The following ATP10A variants were observed in gnomAD, a reference collection of about 807,000 sequenced individuals.
ATP10A encodes the protein phospholipid-transporting ATPase VA.
In ATP10A, 111 loss-of-function variants were observed where a neutral mutation model predicts 147.8. The observed-to-expected ratio is 0.75, with a 90% CI of 0.64 to 0.88. The LOEUF is 0.88. Among genes scored for constraint, ATP10A ranks in the 40% least tolerant of loss-of-function variants. The pLI is 0.00. For synonymous variants in ATP10A, 875 were observed against 841.6 expected, an observed-to-expected ratio of 1.04 and a Z score of -0.69; for missense variants, 1,927 against 1,959.0, an observed-to-expected ratio of 0.98 and a Z score of 0.31.
intron 2 of ATP10A, among the ~76,000 whole-genome samples, chr15:25,764,248 A>T (rs1888907907): frequency 6.6e-6 from 1 of 152,192 alleles, no homozygotes; most frequent in Non-Finnish European, 1.5e-5. Context: ...AGAGCTTTCC[A>T]ACCTAAGGTG....
chr15:25,721,984 A>G (rs998729039), intron 6 of ATP10A, 75 bp from the exon 7 acceptor site: 10 of 1,473,424 alleles, frequency 6.8e-6, no homozygotes, highest in African/African-American at 1.4e-5. Flanking sequence ...ATCTATTTAA[A>G]TAACAAATGA....
At chr15:25,712,307 A>T (rs1413724586) in intron 10 of ATP10A, among the ~76,000 whole-genome samples, 1 of 152,158 alleles carries the variant, frequency 6.6e-6, no homozygotes, top group African/African-American at 2.4e-5. Flanking sequence ...CATGTAAAAA[A>T]ATATGTTGCC....
intron 2 of ATP10A, among the ~76,000 whole-genome samples, chr15:25,740,500 C>T (rs1327378144): frequency 6.6e-6 from 1 of 152,202 alleles, no homozygotes; most frequent in Non-Finnish European, 1.5e-5. Context: ...GGCAGGGCCA[C>T]CGCCTGCACC....
In ATP10A at chr15:25,854,376, AT is replaced by A. The variant is rs375249519; in HGVS notation, c.449+8271del. Among the ~76,000 whole-genome samples, 1,206 of 152,356 alleles carry A rather than the reference AT, an allele frequency of 7.9e-3. 11 individuals are homozygous for A. Among genetic ancestry groups the A allele is most frequent in the Middle Eastern group, 0.014 (4 of 294 alleles). On this transcript the variant is annotated intron_variant, in intron 1 of 20. Coordinates refer to ENST00000555815, the MANE Select transcript of ATP10A (RefSeq NM_024490.4). Reference sequence around the variant, plus strand: ...CATCAGTCATGGAGTATACAAATCAATAAGAAAGAAAAACAGCTGTTCTAAG... The same window carrying A: ...CATCAGTCATGGAGTATACAAATCAAAAGAAAGAAAAACAGCTGTTCTAAG...
At chr15:25,754,449 A>G (rs1361300556) in intron 2 of ATP10A, among the ~76,000 whole-genome samples, 2 of 152,180 alleles carry the variant, frequency 1.3e-5, no homozygotes, top group Non-Finnish European at 2.9e-5. Context: ...GGGAACTGAC[A>G]GCAGTTGCCA....
At chr15:25,843,268 A>G (rs1230596130) in intron 1 of ATP10A, among the ~76,000 whole-genome samples, 1 of 99,754 alleles carries the variant, frequency 1.0e-5, no homozygotes, top group Non-Finnish European at 1.9e-5. Flanking sequence ...TCGGCACTCC[A>G]CCTATCACCA....
At chr15:25,718,536 T>C (rs1173931180) in intron 7 of ATP10A, 137 bp from the exon 8 acceptor site, 14 of 846,416 alleles carry the variant, frequency 1.7e-5, no homozygotes, top group East Asian at 1.1e-4. Flanking sequence ...TGCTCTCTAA[T>C]AGCAAGGCAC....
At chr15:25,836,114 A>C (rs375687536) in intron 1 of ATP10A, among the ~76,000 whole-genome samples, 119 of 152,272 alleles carry the variant, frequency 7.8e-4, no homozygotes, top group African/African-American at 2.8e-3. Flanking sequence ...CGCCTGGCCT[A>C]ATTTTTCAAT....
At chr15:25,753,131 T>C (rs2140590424) in intron 2 of ATP10A, among the ~76,000 whole-genome samples, 1 of 152,310 alleles carries the variant, frequency 6.6e-6, no homozygotes, top group East Asian at 1.9e-4. Context: ...AATTTTGAAA[T>C]GTATAATATT....
intron 1 of ATP10A, among the ~76,000 whole-genome samples, chr15:25,784,753 T>C (rs79894540): frequency 0.12 from 17,855 of 151,864 alleles, 1,107 homozygotes; most frequent in Non-Finnish European, 0.13. Flanking sequence ...AGAAACCCCA[T>C]CTCACTAAAA....
At chr15:25,748,171 C>G (rs1279657314) in intron 2 of ATP10A, among the ~76,000 whole-genome samples, 1 of 152,074 alleles carries the variant, frequency 6.6e-6, no homozygotes, top group African/African-American at 2.4e-5. Flanking sequence ...ACTGTGTTAG[C>G]CAGGATGGTC....
In ATP10A at chr15:25,681,051, C is replaced by G. The variant is rs2076742; in HGVS notation, c.3516G>C (p.Trp1172Cys). The change falls in exon 18 of 21, where the codon TGG becomes TGC. Residue 1172 changes from tryptophan (W) to cysteine (C), a missense_variant. Coordinates refer to ENST00000555815, the MANE Select transcript of ATP10A (RefSeq NM_024490.4). Reference sequence around the variant, plus strand: ...GGAAGGCGGCGTCGGCCATGTTAAACCAGAACGTTCGTGGCCGGTATTCCT... The same window carrying G: ...GGAAGGCGGCGTCGGCCATGTTAAAGCAGAACGTTCGTGGCCGGTATTCCT... ...NMEEYRPRTFWFNMADAAFQS... is the reference protein window; with the variant it reads ...NMEEYRPRTFCFNMADAAFQS... 168,612 of 1,610,686 alleles carry G rather than the reference C, an allele frequency of 0.1. 10,536 individuals are homozygous for G. The highest frequency in any genetic ancestry group is 0.24 in the South Asian group (22,149 of 90,780).
At chr15:25,695,932 G>GAA (rs768415168) in intron 13 of ATP10A, among the ~76,000 whole-genome samples, 9 of 136,020 alleles carry the variant, frequency 6.6e-5, no homozygotes, top group Admixed American at 6.6e-4. Flanking sequence ...GCCAGGAAAA[G>GAA]AAAAAAAAAA....
chr15:25,683,521 G>A (rs749545100), intron 16 of ATP10A, 35 bp from the exon 17 acceptor site: 1 of 1,574,028 alleles, frequency 6.4e-7, no homozygotes, highest in South Asian at 1.1e-5. Context: ...GAACAGGCGA[G>A]TCTTCAGCCA....
intron 3 of ATP10A, among the ~76,000 whole-genome samples, chr15:25,733,993 C>T (rs889971961): frequency 4.1e-4 from 63 of 152,262 alleles, no homozygotes; most frequent in African/African-American, 1.5e-3. Context: ...CCCCGGCACC[C>T]GGGGGGAGTG....
Position 25,863,177 on chromosome 15 carries a change from C to A in ATP10A, c.-81G>T. On this transcript the variant is annotated 5_prime_UTR_variant, in exon 1 of 21. Transcript: ENST00000555815. ...TCTTAGGTTATCATCACTCGCGGCC[C>A]GGGCGCGGCGGTGCGAGCTCCCCGC... 1 of 984,632 alleles carries A rather than the reference C, an allele frequency of 1.0e-6. No individual in the cohort carries two copies. Among genetic ancestry groups the A allele is most frequent in the Non-Finnish European group, 1.2e-6 (1 of 806,996 alleles). 61.0% of individuals were successfully genotyped at this position (984,632 alleles called of 1,614,324 possible). A position where few individuals can be genotyped will look rare whatever the true frequency, so the allele number is the denominator to read the frequency against.
chr15:25,816,239 G>GTTTT (rs5811399), intron 1 of ATP10A, among the ~76,000 whole-genome samples: 3 of 150,756 alleles, frequency 2.0e-5, no homozygotes, highest in African/African-American at 7.3e-5. Flanking sequence ...ATTTTGCTTT[G>GTTTT]TTTTTTTTGA....
intron 9 of ATP10A, among the ~76,000 whole-genome samples, chr15:25,716,370 C>G (rs560095595): frequency 1.1e-4 from 16 of 152,314 alleles, no homozygotes; most frequent in African/African-American, 3.8e-4. Context: ...CCAGGCCAGG[C>G]AGCGAAGGAA....
chr15:25,800,537 G>A (rs1039509638), intron 1 of ATP10A, among the ~76,000 whole-genome samples: 1 of 152,166 alleles, frequency 6.6e-6, no homozygotes, highest in Admixed American at 6.5e-5. Flanking sequence ...CACTCCACGC[G>A]TGCCTGCTGG....
Sources: gnomAD v4.1 joint callset for allele counts (sites outside exome capture counted in the v4.1 genomes callset) on GRCh38, gnomAD v4.1.1 for gene constraint, MANE v1.5 for transcripts, NCBI Gene and HGNC (gene_info 2026-07-23, HGNC 2026-07-21) for gene names.